MYRFL: variants seen among roughly 807,000 people sequenced by gnomAD.
The protein encoded by MYRFL is myelin regulatory factor-like protein.
Under a neutral mutation model 109.4 loss-of-function variants are expected in MYRFL, and 88 were observed. The observed-to-expected ratio is 0.80, with a 90% confidence interval of 0.68 to 0.96. MYRFL has a LOEUF of 0.96. MYRFL is among the 40% of genes least tolerant of loss of function. The probability of loss-of-function intolerance (pLI) is 0.00; values close to 1 mark genes in which losing one functional copy is unlikely to be tolerated. For missense variants in MYRFL, 957 were observed against 954.9 expected (o/e 1.00, Z -0.03); for synonymous variants, 324 against 320.9 (o/e 1.01, Z -0.10).
At chr12:69,891,670 TTTCTTTCTTTCTTTCGTTCG>T (rs1886890533) in intron 7 of MYRFL, among the ~76,000 whole-genome samples, 2 of 118,388 alleles carry the variant, frequency 1.7e-5, no homozygotes, top group African/African-American at 3.5e-5. Flanking sequence ...TCTTTCTTTC[TTTCTTTCTTTCTTTCGTTCG>T]TTCGTTCTTT....
chr12:69,834,185 G>A (rs992904777), intron 1 of MYRFL, among the ~76,000 whole-genome samples: 6 of 152,124 alleles, frequency 3.9e-5, no homozygotes, highest in Admixed American at 1.3e-4. Flanking sequence ...TCTGACTCAG[G>A]ACAAAAAGTC....
chr12:69,855,465 A>G lies in MYRFL; in HGVS notation c.137+95A>G. 1.3e-5 allele frequency: 8 copies of G among 623,936 alleles called. No homozygotes were observed. In the Middle Eastern group the frequency reaches 1.3e-3, roughly 100 times the overall value. The allele number at this position is 623,936 out of a possible 1,614,324, so 38.6% of individuals were successfully genotyped here. A position where few individuals can be genotyped will look rare whatever the true frequency, so the allele number is the denominator to read the frequency against. On this transcript the variant is annotated intron_variant, in intron 2 of 24. Coordinates refer to ENST00000552032, the MANE Select transcript of MYRFL (RefSeq NM_182530.3). ...GTGTTCCCTCCTCTTCTGTTTTCCA[A>G]AATAACTTGGGTAGAGTTGACATTA...
At chr12:69,926,938 T>TTTTTTTG (rs1955110143) in intron 14 of MYRFL, among the ~76,000 whole-genome samples, 1 of 116,858 alleles carries the variant, frequency 8.6e-6, no homozygotes, top group Non-Finnish European at 1.8e-5. Flanking sequence ...TGCTGGTTTT[T>TTTTTTTG]TTTTTTTTTT....
chr12:69,854,003 A>T (rs1474755328), intron 1 of MYRFL, among the ~76,000 whole-genome samples: 1 of 152,106 alleles, frequency 6.6e-6, no homozygotes, highest in Non-Finnish European at 1.5e-5. Context: ...GGCGGCTGGG[A>T]GGTGGAGGTT....
At chr12:69,944,077 C>G (rs1361513075) in intron 19 of MYRFL, among the ~76,000 whole-genome samples, 1 of 150,788 alleles carries the variant, frequency 6.6e-6, no homozygotes. Context: ...CACTTTTACA[C>G]TGTTGGTGGG....
intron 19 of MYRFL, among the ~76,000 whole-genome samples, chr12:69,945,851 G>A (rs1005412187): frequency 1.7e-4 from 25 of 149,118 alleles, no homozygotes; most frequent in African/African-American, 2.7e-4. Flanking sequence ...GCCGGGCGTA[G>A]TGGCGGGCGC....
intron 10 of MYRFL, among the ~76,000 whole-genome samples, chr12:69,902,552 C>T (rs1345790561): frequency 6.6e-6 from 1 of 151,994 alleles, no homozygotes; most frequent in Non-Finnish European, 1.5e-5. Context: ...TATCATATAC[C>T]ACCAGAAAGG....
chr12:69,828,797 C>G lies in MYRFL; in HGVS notation c.46+3234C>G, dbSNP rs565830938. 3.7e-4 allele frequency among the ~76,000 whole-genome samples: 57 copies of G among 152,224 alleles called. No individual in the cohort carries two copies. In the South Asian group the frequency reaches 0.011, roughly 30 times the overall value. On this transcript the variant is annotated intron_variant, in intron 1 of 24. Coordinates refer to ENST00000552032, the MANE Select transcript of MYRFL (RefSeq NM_182530.3). ...TATCTTTGATAGCTATAATCTTAGA[C>G]TCTTAATTTGTACTATCTTGATATC...
intron 2 of MYRFL, among the ~76,000 whole-genome samples, chr12:69,864,646 CACACACACACACACACACACACAA>C (rs200674680): frequency 0.28 from 5,640 of 20,234 alleles, 147 homozygotes; most frequent in East Asian, 0.42. Flanking sequence ...TACACACACA[CACACACACACACACACACACACAA>C]ACACACACAC....
intron 10 of MYRFL, among the ~76,000 whole-genome samples, chr12:69,898,067 G>T (rs17225798): frequency 0.16 from 24,214 of 152,226 alleles, 2,267 homozygotes; most frequent in Non-Finnish European, 0.22. Context: ...ATGGATCTTT[G>T]AAGTGATACA....
intron 22 of MYRFL, among the ~76,000 whole-genome samples, chr12:69,956,462 A>T (rs560791941): frequency 3.3e-5 from 5 of 152,282 alleles, no homozygotes; most frequent in Admixed American, 2.6e-4. Flanking sequence ...CTTTCCACTA[A>T]AAAATTATGC....
At chr12:69,893,693 C>G in intron 7 of MYRFL, 71 bp from the exon 8 acceptor site, 2 of 1,003,634 alleles carry the variant, frequency 2.0e-6, no homozygotes, top group Non-Finnish European at 2.7e-6. Context: ...TTTTTAAGTA[C>G]TTGAACATTC....
At chr12:69,846,705 A>G (rs891916313) in intron 1 of MYRFL, among the ~76,000 whole-genome samples, 36 of 152,152 alleles carry the variant, frequency 2.4e-4, no homozygotes, top group Non-Finnish European at 4.8e-4. Context: ...TCCTTTGGGT[A>G]TATACCCAGT....
chr12:69,957,322 A>G (rs919428699), intron 22 of MYRFL, among the ~76,000 whole-genome samples: 4 of 152,250 alleles, frequency 2.6e-5, no homozygotes, highest in African/African-American at 9.6e-5. Context: ...AAAGCTTCAT[A>G]TAAATGCAAA....
At chr12:69,880,801 G>A (rs1020192160) in intron 5 of MYRFL, among the ~76,000 whole-genome samples, 3 of 152,200 alleles carry the variant, frequency 2.0e-5, no homozygotes, top group Admixed American at 6.5e-5. Context: ...AAGACTTACC[G>A]TGTTTTTCCA....
intron 1 of MYRFL, among the ~76,000 whole-genome samples, chr12:69,853,723 A>G (rs1436863041): frequency 8.1e-6 from 1 of 123,442 alleles, no homozygotes; most frequent in African/African-American, 3.2e-5. Context: ...GGCAGCCGGG[A>G]AGAGGCGCTC....
intron 1 of MYRFL, among the ~76,000 whole-genome samples, chr12:69,850,485 G>A (rs576159340): frequency 6.6e-6 from 1 of 152,126 alleles, no homozygotes; most frequent in Admixed American, 6.5e-5. Context: ...AAAACTATCA[G>A]TTCTAAAGGA....
chr12:69,842,486 T>C (rs1024113252), intron 1 of MYRFL, among the ~76,000 whole-genome samples: 1 of 152,192 alleles, frequency 6.6e-6, no homozygotes, highest in Non-Finnish European at 1.5e-5. Flanking sequence ...TAATAAAAAA[T>C]AATTTTTGCC....
chr12:69,943,772 G>A (rs1228856552), intron 19 of MYRFL, among the ~76,000 whole-genome samples: 2 of 147,922 alleles, frequency 1.4e-5, no homozygotes, highest in African/African-American at 2.5e-5. Context: ...GAAAATTTTT[G>A]CAACCTACTC....
Sources: allele counts gnomAD v4.1 joint callset (sites outside exome capture counted in the v4.1 genomes callset), GRCh38; gene constraint gnomAD v4.1.1; transcripts MANE v1.5; gene names NCBI Gene and HGNC (gene_info 2026-07-23, HGNC 2026-07-21).